The following IGSF10 variants were observed in gnomAD, a reference collection of about 807,000 sequenced individuals.
IGSF10 encodes calvaria mechanical force protein 608.
In IGSF10, 126 loss-of-function variants were observed where a neutral mutation model predicts 128.2. The observed-to-expected ratio is 0.98, with a 90% CI of 0.85 to 1.14. The LOEUF (loss-of-function observed/expected upper bound fraction) is 1.14, where lower values mean the gene tolerates loss of function less well. Among genes scored for constraint, IGSF10 ranks in the 50% most tolerant of loss-of-function variants. The probability of loss-of-function intolerance (pLI) is 0.00; values close to 1 mark genes in which losing one functional copy is unlikely to be tolerated. For synonymous variants in IGSF10, 1,185 were observed against 1,146.2 expected (o/e 1.03, Z -0.68); for missense variants, 3,295 against 3,149.8 (o/e 1.05, Z -1.10).
chr3:151,469,889 A>T, the IGSF10 span, among the ~76,000 whole-genome samples: 2 of 152,250 alleles, frequency 1.3e-5, no homozygotes, highest in Non-Finnish European at 2.9e-5. Context: ...TTTACAGGCA[A>T]TAATAAAATT....
the IGSF10 span, among the ~76,000 whole-genome samples, chr3:151,484,940 G>T: frequency 7.9e-3 from 1,198 of 152,200 alleles, 12 homozygotes; most frequent in South Asian, 7.9e-3. Flanking sequence ...AACAAAACTG[G>T]ATGGAGAATG....
chr3:151,544,610 G>GA, the IGSF10 span, among the ~76,000 whole-genome samples: 1 of 151,364 alleles, frequency 6.6e-6, no homozygotes, highest in African/African-American at 2.4e-5. Context: ...TTTTGCTGCT[G>GA]AAAGTCTAAT....
the IGSF10 span, among the ~76,000 whole-genome samples, chr3:151,475,379 A>T: frequency 6.6e-6 from 1 of 152,224 alleles, no homozygotes; most frequent in Non-Finnish European, 1.5e-5. Flanking sequence ...AAGGGGGGAA[A>T]TGTTAATGCA....
Position 151,445,122 on chromosome 3 carries a change from T to C in IGSF10, c.4859A>G (p.Asp1620Gly). ...WDGQKNTKKS[D>G]FDKKPVQEAT... Reference sequence around the variant, plus strand: ...TTCTTGAACTGGTTTCTTATCAAAGTCACTCTTCTTTGTGTTCTTCTGTCC... The same window carrying C: ...TTCTTGAACTGGTTTCTTATCAAAGCCACTCTTCTTTGTGTTCTTCTGTCC... Residue 1620 changes from aspartate to glycine, a missense_variant, in exon 6 of 8, where the codon GAC (aspartate) becomes GGC (glycine). Physicochemically the swap from Asp to Gly is moderately conservative, Grantham distance 94. Transcript: ENST00000282466. The C allele has an allele frequency of 6.2e-7, 1 of 1,614,126 alleles. No individual in the cohort carries two copies. Among genetic ancestry groups the C allele is most frequent in the Non-Finnish European group, 8.5e-7 (1 of 1,179,998 alleles).
the IGSF10 span, among the ~76,000 whole-genome samples, chr3:151,528,417 T>C: frequency 1.3e-5 from 2 of 152,208 alleles, no homozygotes; most frequent in Admixed American, 1.3e-4. Flanking sequence ...GCTGGCATGA[T>C]GGCAGAATAG....
At chr3:151,609,333 G>C in the IGSF10 span, among the ~76,000 whole-genome samples, 2 of 152,120 alleles carry the variant, frequency 1.3e-5, no homozygotes, top group African/African-American at 4.8e-5. Flanking sequence ...TGGAATTTTA[G>C]TTTATAAGGA....
At chr3:151,497,172 T>C in the IGSF10 span, among the ~76,000 whole-genome samples, 1 of 152,200 alleles carries the variant, frequency 6.6e-6, no homozygotes, top group African/African-American at 2.4e-5. Flanking sequence ...AGAAGCTCTT[T>C]AGTTTAATTA....
upstream of IGSF10, among the ~76,000 whole-genome samples, chr3:151,463,742 T>C (rs1157986654): frequency 6.6e-6 from 1 of 151,876 alleles, no homozygotes. Context: ...TCCCAGCATT[T>C]TGGGAGGCCA....
chr3:151,591,436 T>C, the IGSF10 span, among the ~76,000 whole-genome samples: 1 of 146,950 alleles, frequency 6.8e-6, no homozygotes, highest in African/African-American at 2.5e-5. Flanking sequence ...TAAAAATATA[T>C]AAATATATAT....
the IGSF10 span, among the ~76,000 whole-genome samples, chr3:151,619,704 G>C: frequency 6.6e-6 from 1 of 152,146 alleles, no homozygotes; most frequent in African/African-American, 2.4e-5. Context: ...ACTGCGGCAG[G>C]GTTGAGAGGT....
chr3:151,612,299 A>T, the IGSF10 span, among the ~76,000 whole-genome samples: 1 of 152,170 alleles, frequency 6.6e-6, no homozygotes, highest in Non-Finnish European at 1.5e-5. Flanking sequence ...GATGTGGTTC[A>T]CACAGAGTGT....
the IGSF10 span, among the ~76,000 whole-genome samples, chr3:151,506,705 A>C: frequency 6.6e-6 from 1 of 152,104 alleles, no homozygotes; most frequent in Non-Finnish European, 1.5e-5. Context: ...TGCTTACGAG[A>C]TATAAAATAT....
At chr3:151,500,448 A>G in the IGSF10 span, among the ~76,000 whole-genome samples, 72,989 of 152,052 alleles carry the variant, frequency 0.48, 17,916 homozygotes, top group African/African-American at 0.57. Flanking sequence ...CAGCAAGCCC[A>G]TCCCAGAAAT....
intron 1 of IGSF10, 103 bp downstream of exon 1, chr3:151,460,843 G>C (rs1722018032): frequency 1.3e-5 from 8 of 610,618 alleles, no homozygotes; most frequent in Non-Finnish European, 1.6e-5. Flanking sequence ...CCCCGCCCCA[G>C]CGCCCGCTTC....
chr3:151,598,751 G>A, the IGSF10 span, among the ~76,000 whole-genome samples: 2 of 152,102 alleles, frequency 1.3e-5, no homozygotes, highest in African/African-American at 4.8e-5. Context: ...TTGAATCCAC[G>A]AATGTGGAAC....
chr3:151,575,996 A>G, the IGSF10 span, among the ~76,000 whole-genome samples: 1 of 152,164 alleles, frequency 6.6e-6, no homozygotes, highest in Non-Finnish European at 1.5e-5. Flanking sequence ...ATAATTTTAT[A>G]TGATCTAATT....
chr3:151,458,779 A>G lies in IGSF10; in HGVS notation c.-1-69T>C, dbSNP rs534746369. ...AAAGTCCCAGGACCACCACACACTCACTCTGGGAATCTGGGAGACCTTCTT... is the reference window on the plus strand; with the variant it reads ...AAAGTCCCAGGACCACCACACACTCGCTCTGGGAATCTGGGAGACCTTCTT... On this transcript the variant is annotated intron_variant, in intron 2 of 7. Coordinates refer to ENST00000282466, the MANE Select transcript of IGSF10 (RefSeq NM_178822.5). 9 of 1,322,176 alleles carry G rather than the reference A, an allele frequency of 6.8e-6. No individual in the cohort carries two copies. In the African/African-American group the frequency reaches 1.0e-4, roughly 15 times the overall value. The allele number at this position is 1,322,176 out of a possible 1,614,324, so 81.9% of individuals were successfully genotyped here.
the IGSF10 span, among the ~76,000 whole-genome samples, chr3:151,493,379 T>C: frequency 6.6e-6 from 1 of 152,190 alleles, no homozygotes; most frequent in African/African-American, 2.4e-5. Context: ...TACATAATAA[T>C]ATTTTGGTCA....
At chr3:151,500,257 AC>A in the IGSF10 span, among the ~76,000 whole-genome samples, 1 of 152,254 alleles carries the variant, frequency 6.6e-6, no homozygotes, top group Admixed American at 6.5e-5. Context: ...CTAGATTAGC[AC>A]CCTTTAGGAA....
Sources: gnomAD v4.1 joint callset for allele counts (sites outside exome capture counted in the v4.1 genomes callset) on GRCh38, gnomAD v4.1.1 for gene constraint, MANE v1.5 for transcripts, NCBI Gene and HGNC (gene_info 2026-07-23, HGNC 2026-07-21) for gene names.